Variants in SLC5A12 observed in about 807,000 individuals in gnomAD.
SLC5A12 encodes the protein solute carrier family 5 member 12.
In SLC5A12, 46 loss-of-function variants were observed where a neutral mutation model predicts 72.7. The observed-to-expected ratio is 0.63, with a 90% confidence interval of 0.50 to 0.81. The LOEUF (loss-of-function observed/expected upper bound fraction) is 0.81. SLC5A12 is among the 30% of genes least tolerant of loss of function. The pLI is 0.00. For synonymous variants in SLC5A12, 275 were observed against 264.4 expected, an observed-to-expected ratio of 1.04 and a Z score of -0.39; for missense variants, 683 against 740.7, an observed-to-expected ratio of 0.92 and a Z score of 0.90.
intron 1 of SLC5A12, 150 bp from the exon 2 acceptor site, chr11:26,712,856 A>T (rs1049232357): frequency 2.5e-6 from 1 of 392,866 alleles, no homozygotes; most frequent in African/African-American, 2.0e-5. Context: ...GGAATAAAAA[A>T]GCATGGATTG....
chr11:26,688,555 A>T (rs1854591787), intron 9 of SLC5A12, among the ~76,000 whole-genome samples: 1 of 152,230 alleles, frequency 6.6e-6, no homozygotes, highest in Non-Finnish European at 1.5e-5. Flanking sequence ...GTTGCCAAAA[A>T]TGGGAATGAA....
chr11:26,690,266 T>C (rs1030678826), intron 9 of SLC5A12, among the ~76,000 whole-genome samples: 1 of 152,108 alleles, frequency 6.6e-6, no homozygotes, highest in South Asian at 2.1e-4. Flanking sequence ...GTAAAAATTA[T>C]AATGGAAACA....
intron 8 of SLC5A12, among the ~76,000 whole-genome samples, chr11:26,694,105 G>A (rs1854750241): frequency 6.6e-6 from 1 of 152,122 alleles, no homozygotes; most frequent in South Asian, 2.1e-4. Context: ...AACCTCTGCA[G>A]GGTTGCTTTG....
chr11:26,712,701 TA>T lies in SLC5A12; in HGVS notation c.344del (p.Leu115TyrfsTer39). 3 of 1,586,936 alleles carry T rather than the reference TA, an allele frequency of 1.9e-6. No homozygotes were observed. The highest frequency in any genetic ancestry group is 1.1e-5 in the South Asian group (1 of 88,318). On this transcript the variant is annotated frameshift_variant, in exon 2 of 15. Transcript: ENST00000396005. LOFTEE classifies it high-confidence loss of function. ...GAACTGGTTTGTTGAATCGTAGTTG[TA>T]AGTACTAAAGGAAACAGAAAGACAT... ...RSGITSTYEY[L>X]QLRFNKPVRY... is the part of the protein sequence containing the mutation.
chr11:26,683,638 G>T (rs1435944437), intron 11 of SLC5A12, 119 bp downstream of exon 11: 2 of 727,718 alleles, frequency 2.7e-6, no homozygotes, highest in Admixed American at 2.5e-5. Flanking sequence ...GTTTAATTCT[G>T]CTGTGGATTC....
intron 6 of SLC5A12, among the ~76,000 whole-genome samples, chr11:26,699,289 G>T (rs1383150722): frequency 6.6e-6 from 1 of 152,190 alleles, no homozygotes; most frequent in African/African-American, 2.4e-5. Flanking sequence ...GGAGATGGCC[G>T]CAGGAGGCCA....
intron 6 of SLC5A12, 44 bp from the exon 7 acceptor site, chr11:26,698,579 T>G: frequency 6.2e-7 from 1 of 1,604,556 alleles, no homozygotes; most frequent in Non-Finnish European, 8.5e-7. Flanking sequence ...GTATACCATA[T>G]CATACTGTGG....
chr11:26,678,853 C>A, intron 12 of SLC5A12, 38 bp from the exon 13 acceptor site: 2 of 1,414,846 alleles, frequency 1.4e-6, no homozygotes, highest in South Asian at 1.2e-5. Flanking sequence ...TCCATGCATC[C>A]TAAAGACCCA....
intron 1 of SLC5A12, among the ~76,000 whole-genome samples, chr11:26,718,964 A>G (rs1855416223): frequency 6.6e-6 from 1 of 152,216 alleles, no homozygotes; most frequent in African/African-American, 2.4e-5. Context: ...AATTTAGTAA[A>G]TTAAATTCAA....
At chr11:26,694,087 G>A (rs1854749878) in intron 8 of SLC5A12, among the ~76,000 whole-genome samples, 1 of 152,136 alleles carries the variant, frequency 6.6e-6, no homozygotes, top group Non-Finnish European at 1.5e-5. Flanking sequence ...GAAGGGTAAG[G>A]TTTGTACAAC....
chr11:26,667,412 A>G lies in SLC5A12; in HGVS notation c.*3690T>C, dbSNP rs1328461155. 6.6e-6 allele frequency: 1 copy of G among 151,978 alleles called. No individual in the cohort carries two copies. Among genetic ancestry groups the G allele is most frequent in the African/African-American group, 2.4e-5 (1 of 41,442 alleles). 9.4% of individuals were successfully genotyped at this position (151,978 alleles called of 1,614,324 possible). ...CTTTGAAATACTGTTTGAAAGCCAC[A>G]TGGCCAATGGTTTACTTTTTGTTTC... On this transcript the variant is annotated 3_prime_UTR_variant, in exon 15 of 15. Coordinates refer to ENST00000396005, the MANE Select transcript of SLC5A12 (RefSeq NM_178498.4).
At chr11:26,714,342 C>G (rs796265085) in intron 1 of SLC5A12, among the ~76,000 whole-genome samples, 18 of 152,128 alleles carry the variant, frequency 1.2e-4, no homozygotes, top group African/African-American at 3.9e-4. Context: ...ATGATATAGT[C>G]CATACCATAG....
intron 6 of SLC5A12, among the ~76,000 whole-genome samples, chr11:26,703,241 A>G (rs2133195123): frequency 6.6e-6 from 1 of 152,244 alleles, no homozygotes; most frequent in South Asian, 2.1e-4. Flanking sequence ...CACCCACAGT[A>G]CCTAATTTAA....
chr11:26,715,550 C>T (rs7939613), intron 1 of SLC5A12, among the ~76,000 whole-genome samples: 5,432 of 152,204 alleles, frequency 0.036, 325 homozygotes, highest in African/African-American at 0.12. Context: ...TTCTGTTTCA[C>T]GTTGCCACTT....
intron 13 of SLC5A12, among the ~76,000 whole-genome samples, chr11:26,674,053 C>G (rs1481923376): frequency 6.6e-6 from 1 of 152,132 alleles, no homozygotes; most frequent in African/African-American, 2.4e-5. Flanking sequence ...GCCTCACACC[C>G]TCCTTTTCCC....
At position 26,679,213 on chromosome 11, in the gene SLC5A12, G is replaced by T. The variant is rs181285175; in HGVS notation, c.1476-398C>A. On this transcript the variant is annotated intron_variant, in intron 12 of 14. Transcript: ENST00000396005. ...GAGCTAATAGACAATCATAAAATGG[G>T]TTGGTTTTGCCTCAGTAGAAAAGGT... 2.0e-3 allele frequency among the ~76,000 whole-genome samples: 310 copies of T among 152,170 alleles called. 2 individuals are homozygous for T. The highest frequency in any genetic ancestry group is 7.2e-3 in the African/African-American group (301 of 41,544).
chr11:26,674,196 C>T (rs11029669), intron 13 of SLC5A12, among the ~76,000 whole-genome samples: 1 of 149,448 alleles, frequency 6.7e-6, no homozygotes, highest in Non-Finnish European at 1.5e-5. Context: ...AATTTTAAGT[C>T]ATAAAGACTA....
In SLC5A12 at chr11:26,669,187, T is replaced by TTTCTTGC. The variant is rs1854073553; in HGVS notation, c.*1914_*1915insGCAAGAA. 9.0e-6 allele frequency: 1 copy of TTTCTTGC among 110,942 alleles called. No individual in the cohort carries two copies. Among genetic ancestry groups the TTTCTTGC allele is most frequent in the Non-Finnish European group, 2.0e-5 (1 of 50,896 alleles). 6.9% of individuals were successfully genotyped at this position (110,942 alleles called of 1,614,324 possible). On this transcript the variant is annotated 3_prime_UTR_variant, in exon 15 of 15. Transcript: ENST00000396005. The stretch of plus-strand genomic sequence containing the variant: ...TGTCTTTTTCTTTCTTTCTTTCTTC[T>TTTCTTGC]TTTCTTTCTTTCTTTCTTTCTTTCT...
intron 8 of SLC5A12, 146 bp from the exon 9 acceptor site, chr11:26,692,747 A>G (rs1038937539): frequency 1.7e-6 from 1 of 597,230 alleles, no homozygotes; most frequent in Admixed American, 2.9e-5. Context: ...CTCCATGGGA[A>G]CTATATGGCC....
Sources: allele counts gnomAD v4.1 joint callset (sites outside exome capture counted in the v4.1 genomes callset), GRCh38; gene constraint gnomAD v4.1.1; transcripts MANE v1.5; gene names NCBI Gene and HGNC (gene_info 2026-07-23, HGNC 2026-07-21).